SORCS3: variants seen among roughly 807,000 people sequenced by gnomAD.
SORCS3 encodes the protein sortilin related VPS10 domain containing receptor 3.
A neutral mutation model predicts 146.3 loss-of-function variants in SORCS3; 57 were observed. That is an observed-to-expected ratio of 0.39 (90% CI 0.31 to 0.49). The LOEUF (loss-of-function observed/expected upper bound fraction) is 0.49, where lower values mean the gene tolerates loss of function less well. Among genes scored for constraint, SORCS3 ranks in the 20% least tolerant of loss-of-function variants. SORCS3 has a pLI of 0.92. For missense variants in SORCS3, 1,341 were observed against 1,575.5 expected, an observed-to-expected ratio of 0.85 and a Z score of 2.52; for synonymous variants, 653 against 618.5, an observed-to-expected ratio of 1.06 and a Z score of -0.83.
rs754246009 is a variant in SORCS3, at chr10:105,089,788, T to A, written c.1042T>A (p.Leu348Met). 1 of 1,613,874 alleles carries A rather than the reference T, an allele frequency of 6.2e-7. No homozygotes were observed. Among genetic ancestry groups the A allele is most frequent in the African/African-American group, 1.3e-5 (1 of 74,892 alleles). The change falls in exon 6 of 27, where the codon TTG becomes ATG. Residue 348 changes from leucine to methionine, a missense_variant. Transcript: ENST00000369701. ...PNRFYWSVAG[L>M]DKEADLVHME... ...TTCCTTTCCCAGGTCGGTGGCCGGA[T>A]TGGATAAGGAGGCGGACCTGGTGCA...
chr10:105,257,578 T>A (rs1023408691), intron 25 of SORCS3, among the ~76,000 whole-genome samples: 5 of 152,236 alleles, frequency 3.3e-5, no homozygotes, highest in African/African-American at 1.2e-4. Context: ...ATTCAAATTA[T>A]AACTTCTACT....
At chr10:105,144,451 G>A (rs1186416353) in intron 8 of SORCS3, among the ~76,000 whole-genome samples, 1 of 152,024 alleles carries the variant, frequency 6.6e-6, no homozygotes, top group Non-Finnish European at 1.5e-5. Context: ...AGTTACATTA[G>A]GCCTAGATTA....
intron 1 of SORCS3, among the ~76,000 whole-genome samples, chr10:104,689,082 T>G (rs1185083768): frequency 6.6e-6 from 1 of 152,272 alleles, no homozygotes; most frequent in South Asian, 2.1e-4. Flanking sequence ...CCTCGGCATA[T>G]GAGGCCCTGC....
Position 105,030,450 on chromosome 10 carries a change from A to G in SORCS3, c.955-12605A>G, listed in dbSNP as rs1306041653. Reference sequence around the variant, plus strand: ...CACCTAATGGTCACAACATTCTGAGAGATTGGAAGTGTCCAAGGCTCCTGC... The same window carrying G: ...CACCTAATGGTCACAACATTCTGAGGGATTGGAAGTGTCCAAGGCTCCTGC... On this transcript the variant is annotated intron_variant, in intron 4 of 26. Transcript: ENST00000369701. 2.0e-5 allele frequency among the ~76,000 whole-genome samples: 3 copies of G among 152,172 alleles called. No individual in the cohort carries two copies. In the East Asian group the frequency reaches 5.8e-4, roughly 29 times the overall value.
chr10:105,085,177 G>A (rs927972769), intron 5 of SORCS3, among the ~76,000 whole-genome samples: 1 of 152,190 alleles, frequency 6.6e-6, no homozygotes, highest in Admixed American at 6.5e-5. Flanking sequence ...GAATATTCTG[G>A]AATGAGTAGG....
At chr10:104,770,557 C>T (rs2017236086) in intron 1 of SORCS3, among the ~76,000 whole-genome samples, 1 of 152,112 alleles carries the variant, frequency 6.6e-6, no homozygotes. Context: ...TAGGGGTTCA[C>T]ACCTGGAATC....
chr10:104,744,138 G>A (rs1392958724), intron 1 of SORCS3, among the ~76,000 whole-genome samples: 2 of 152,272 alleles, frequency 1.3e-5, no homozygotes, highest in East Asian at 1.9e-4. Flanking sequence ...GAATGATGGA[G>A]CAGACTTCTC....
At chr10:104,664,521 A>C (rs1314135768) in intron 1 of SORCS3, 1 of 152,188 alleles carries the variant, frequency 6.6e-6, no homozygotes, top group Non-Finnish European at 1.5e-5. Context: ...TCTCACAGCC[A>C]TGTCCTGCTT....
At chr10:104,994,478 A>G (rs969676960) in intron 4 of SORCS3, among the ~76,000 whole-genome samples, 41 of 152,314 alleles carry the variant, frequency 2.7e-4, no homozygotes, top group African/African-American at 9.9e-4. Context: ...CGCACAAATT[A>G]AAATATATAA....
chr10:105,178,371 G>A (rs1366650994), intron 14 of SORCS3, among the ~76,000 whole-genome samples, 198 bp downstream of exon 14: 6 of 152,156 alleles, frequency 3.9e-5, no homozygotes, highest in Non-Finnish European at 7.3e-5. Flanking sequence ...AGGGAGGCTA[G>A]GGTCCTAATT....
chr10:105,050,325 G>C (rs928234904), intron 5 of SORCS3, among the ~76,000 whole-genome samples: 22 of 152,104 alleles, frequency 1.4e-4, no homozygotes, highest in African/African-American at 4.8e-4. Flanking sequence ...CTTTTTTGGG[G>C]AGTAGGTTAC....
chr10:105,217,923 G>C (rs1227562732), intron 19 of SORCS3: 1 of 453,740 alleles, frequency 2.2e-6, no homozygotes, highest in Non-Finnish European at 4.4e-6. Context: ...TGGGTCTAAG[G>C]ACTTCCATGG....
chr10:104,858,052 A>G (rs1179358849), intron 2 of SORCS3, among the ~76,000 whole-genome samples: 1 of 152,196 alleles, frequency 6.6e-6, no homozygotes, highest in Non-Finnish European at 1.5e-5. Flanking sequence ...GAAAATTGAG[A>G]TACTTTAAAG....
chr10:104,696,539 C>CAT (rs1176726814), intron 1 of SORCS3, among the ~76,000 whole-genome samples: 1 of 55,856 alleles, frequency 1.8e-5, no homozygotes, highest in African/African-American at 7.5e-5. Flanking sequence ...ATATTATATA[C>CAT]ATATATAATA....
At position 104,773,982 on chromosome 10, in the gene SORCS3, C is replaced by A. The variant is rs534325984; in HGVS notation, c.628-68810C>A. ...CTGAATCAGAATTTGCATTTAGCAC[C>A]ATTCCAGGGGATTCTGCACCTATCC... On this transcript the variant is annotated intron_variant, in intron 1 of 26. Transcript: ENST00000369701. 9.3e-4 allele frequency among the ~76,000 whole-genome samples: 142 copies of A among 152,318 alleles called. 1 individual carries two copies. Among genetic ancestry groups the A allele is most frequent in the African/African-American group, 3.1e-3 (130 of 41,578 alleles).
chr10:104,705,555 A>G (rs1427919804), intron 1 of SORCS3, among the ~76,000 whole-genome samples: 1 of 152,214 alleles, frequency 6.6e-6, no homozygotes, highest in Non-Finnish European at 1.5e-5. Context: ...TAATTAAACA[A>G]TGTAATTATA....
rs1421670780 is a variant in SORCS3, at chr10:104,817,495, C to A, written c.628-25297C>A. Among the ~76,000 whole-genome samples the A allele has an allele frequency of 1.1e-4, 9 of 83,532 alleles. No individual in the cohort carries two copies. The East Asian group carries it at 4.1e-3, about 38-fold the overall frequency. 54.8% of individuals were successfully genotyped at this position (83,532 alleles called of 152,430 possible). On this transcript the variant is annotated intron_variant, in intron 1 of 26. Transcript: ENST00000369701. ...TTCCTCCTCTCCTTCTCCCTCCTCT[C>A]GCTTCTCCCTCCCCCTCCCCCTCCT...
At chr10:104,928,839 T>C (rs1200231123) in intron 3 of SORCS3, among the ~76,000 whole-genome samples, 1 of 152,202 alleles carries the variant, frequency 6.6e-6, no homozygotes, top group Non-Finnish European at 1.5e-5. Flanking sequence ...TGCAGCCCTA[T>C]GTCGAGGGCC....
chr10:104,962,784 A>T (rs776796947), intron 3 of SORCS3, among the ~76,000 whole-genome samples: 13 of 152,228 alleles, frequency 8.5e-5, no homozygotes, highest in Non-Finnish European at 1.3e-4. Context: ...GGGAAAATAG[A>T]AAAGTATAGA....
Sources: gnomAD v4.1 joint callset for allele counts (sites outside exome capture counted in the v4.1 genomes callset) on GRCh38, gnomAD v4.1.1 for gene constraint, MANE v1.5 for transcripts, NCBI Gene and HGNC (gene_info 2026-07-23, HGNC 2026-07-21) for gene names.